ZCCHC7: variants seen among roughly 807,000 people sequenced by gnomAD.
The protein encoded by ZCCHC7 is zinc finger CCHC-type containing 7, also known as zinc finger CCHC domain-containing protein 7.
Under a neutral mutation model 52.0 loss-of-function variants are expected in ZCCHC7, and 35 were observed. The observed-to-expected ratio is 0.67, with a 90% CI of 0.51 to 0.89. ZCCHC7 has a LOEUF of 0.89. Ranked by LOEUF, ZCCHC7 falls within the 40% of genes least tolerant of loss-of-function variation. The pLI is 0.00. For synonymous variants in ZCCHC7, 217 were observed against 221.5 expected, an observed-to-expected ratio of 0.98 and a Z score of 0.18; for missense variants, 574 against 649.1, an observed-to-expected ratio of 0.88 and a Z score of 1.26.
At chr9:37,134,522 T>G (rs960144140) in intron 2 of ZCCHC7, among the ~76,000 whole-genome samples, 1 of 152,220 alleles carries the variant, frequency 6.6e-6, no homozygotes, top group African/African-American at 2.4e-5. Flanking sequence ...TTTATAATCA[T>G]GTAAAATGTG....
At chr9:37,251,232 C>A (rs533327189) in intron 2 of ZCCHC7, among the ~76,000 whole-genome samples, 1 of 151,688 alleles carries the variant, frequency 6.6e-6, no homozygotes, top group South Asian at 2.1e-4. Context: ...TCTTTCCTGT[C>A]CTCAACTATG....
intron 2 of ZCCHC7, among the ~76,000 whole-genome samples, chr9:37,280,072 C>T (rs1827879862): frequency 6.6e-6 from 1 of 151,696 alleles, no homozygotes; most frequent in Non-Finnish European, 1.5e-5. Context: ...ACCCGGGAGG[C>T]GGAGCTTGCA....
intron 2 of ZCCHC7, among the ~76,000 whole-genome samples, chr9:37,269,952 G>A (rs989709510): frequency 2.0e-4 from 31 of 152,236 alleles, no homozygotes; most frequent in African/African-American, 7.0e-4. Flanking sequence ...AGATAGGCAG[G>A]CTAACTTAGG....
At chr9:37,263,669 C>A (rs377241995) in intron 2 of ZCCHC7, among the ~76,000 whole-genome samples, 10 of 152,096 alleles carry the variant, frequency 6.6e-5, no homozygotes, top group Non-Finnish European at 1.3e-4. Context: ...TTTCACGTGG[C>A]AAATTTCATT....
At chr9:37,182,456 C>CCAGGTT (rs1487085044) in intron 2 of ZCCHC7, among the ~76,000 whole-genome samples, 3 of 151,930 alleles carry the variant, frequency 2.0e-5, no homozygotes, top group Non-Finnish European at 4.4e-5. Flanking sequence ...CCTCCGCCTC[C>CCAGGTT]CAGGTTCAAG....
At chr9:37,232,138 C>T (rs1257086253) in intron 2 of ZCCHC7, among the ~76,000 whole-genome samples, 3 of 152,064 alleles carry the variant, frequency 2.0e-5, no homozygotes, top group Non-Finnish European at 2.9e-5. Flanking sequence ...GTTGATCAGA[C>T]GTGTACTAAG....
intron 1 of ZCCHC7, chr9:37,121,637 G>C (rs1430793935): frequency 1.3e-5 from 2 of 152,162 alleles, no homozygotes; most frequent in African/African-American, 2.4e-5. Flanking sequence ...AGGAAGGATC[G>C]CAAGTGAGGA....
intron 2 of ZCCHC7, among the ~76,000 whole-genome samples, chr9:37,277,822 A>G (rs985165638): frequency 6.6e-6 from 1 of 152,200 alleles, no homozygotes; most frequent in Non-Finnish European, 1.5e-5. Context: ...AACATTCTTC[A>G]GAGGAACATA....
Position 37,329,458 on chromosome 9 carries a change from A to G in ZCCHC7, c.987+1624A>G, listed in dbSNP as rs1425742536. On this transcript the variant is annotated intron_variant, in intron 6 of 8. Coordinates refer to ENST00000336755, the MANE Select transcript of ZCCHC7 (RefSeq NM_032226.3). The stretch of plus-strand genomic sequence containing the variant: ...TCTATTTATAGGTATAACAAATTCA[A>G]TTTGAAAACTTTGTTTGTTCCAATC... Among the ~76,000 whole-genome samples, 4 of 151,994 alleles carry G rather than the reference A, an allele frequency of 2.6e-5. No homozygotes were observed. The East Asian group carries it at 5.8e-4, about 22-fold the overall frequency.
chr9:37,184,660 A>G (rs1564164403), intron 2 of ZCCHC7, among the ~76,000 whole-genome samples: 1 of 151,884 alleles, frequency 6.6e-6, no homozygotes, highest in Non-Finnish European at 1.5e-5. Flanking sequence ...CTATTTTATT[A>G]CCCAAGTTTT....
intron 5 of ZCCHC7, among the ~76,000 whole-genome samples, chr9:37,311,782 A>G (rs183860603): frequency 2.1e-4 from 32 of 152,332 alleles, no homozygotes; most frequent in East Asian, 9.6e-4. Context: ...ACAGTGCAAA[A>G]GTTTATTTTA....
intron 2 of ZCCHC7, among the ~76,000 whole-genome samples, chr9:37,132,581 A>G (rs1842831906): frequency 6.6e-6 from 1 of 152,196 alleles, no homozygotes; most frequent in Admixed American, 6.5e-5. Flanking sequence ...GCATGTATAC[A>G]CATTTGTATA....
At chr9:37,254,226 T>C (rs1826465803) in intron 2 of ZCCHC7, among the ~76,000 whole-genome samples, 1 of 152,058 alleles carries the variant, frequency 6.6e-6, no homozygotes, top group Admixed American at 6.6e-5. Flanking sequence ...CTGAACAATA[T>C]TCATACCAAC....
intron 2 of ZCCHC7, among the ~76,000 whole-genome samples, chr9:37,234,994 T>G (rs1231139177): frequency 2.0e-5 from 3 of 152,216 alleles, no homozygotes. Flanking sequence ...TGGGGTACAG[T>G]ATGATGTTTC....
chr9:37,169,294 A>G (rs1821600226), intron 2 of ZCCHC7, among the ~76,000 whole-genome samples: 1 of 152,222 alleles, frequency 6.6e-6, no homozygotes, highest in Non-Finnish European at 1.5e-5. Context: ...GAAGGCAGCT[A>G]TTTGTTGACT....
chr9:37,229,409 A>G (rs1280875809), intron 2 of ZCCHC7, among the ~76,000 whole-genome samples: 1 of 152,184 alleles, frequency 6.6e-6, no homozygotes, highest in Non-Finnish European at 1.5e-5. Context: ...ATCATGGAGT[A>G]TACTTAAATC....
intron 2 of ZCCHC7, among the ~76,000 whole-genome samples, chr9:37,289,106 A>G (rs1828402546): frequency 6.6e-6 from 1 of 151,574 alleles, no homozygotes; most frequent in East Asian, 1.9e-4. Context: ...TTAGTTGCTG[A>G]GGCCAAAAAC....
chr9:37,236,382 C>CT (rs565230377), intron 2 of ZCCHC7, among the ~76,000 whole-genome samples: 8,036 of 144,880 alleles, frequency 0.055, 670 homozygotes, highest in African/African-American at 0.19. Flanking sequence ...ATTTCTCTAC[C>CT]TTTTTTTTTT....
At chr9:37,162,311 A>T (rs1026625385) in intron 2 of ZCCHC7, among the ~76,000 whole-genome samples, 9 of 152,198 alleles carry the variant, frequency 5.9e-5, no homozygotes, top group African/African-American at 2.2e-4. Flanking sequence ...ATACACAGGA[A>T]GCCATCATCA....
Sources: allele counts gnomAD v4.1 joint callset (sites outside exome capture counted in the v4.1 genomes callset), GRCh38; gene constraint gnomAD v4.1.1; transcripts MANE v1.5; gene names NCBI Gene and HGNC (gene_info 2026-07-23, HGNC 2026-07-21).